The following PDE1C variants were observed in gnomAD, a reference collection of about 807,000 sequenced individuals.
PDE1C encodes dual specificity calcium/calmodulin-dependent 3',5'-cyclic nucleotide phosphodiesterase 1C.
Under a neutral mutation model 93.1 loss-of-function variants are expected in PDE1C, and 62 were observed. The ratio of observed to expected loss-of-function variants is 0.67; its 90% CI spans 0.54 to 0.82. The LOEUF (loss-of-function observed/expected upper bound fraction) is 0.82, where lower values mean the gene tolerates loss of function less well. Among genes scored for constraint, PDE1C ranks in the 40% least tolerant of loss-of-function variants. The pLI, the probability that PDE1C is intolerant of heterozygous loss-of-function variation, is 0.00. For missense variants in PDE1C, 742 were observed against 884.6 expected (o/e 0.84, Z 2.04); for synonymous variants, 325 against 310.1 (o/e 1.05, Z -0.50).
At chr7:32,395,662 A>C (rs1023738483) in intron 1 of PDE1C, among the ~76,000 whole-genome samples, 1 of 152,202 alleles carries the variant, frequency 6.6e-6, no homozygotes, top group African/African-American at 2.4e-5. Flanking sequence ...ACAGAGAAAA[A>C]ACTACTGGGT....
chr7:32,086,122 A>C (rs1448054161), intron 3 of PDE1C, among the ~76,000 whole-genome samples: 1 of 147,880 alleles, frequency 6.8e-6, no homozygotes, highest in African/African-American at 2.5e-5. Context: ...TTCAGCCCAA[A>C]ATCTCCTTAA....
the PDE1C span, among the ~76,000 whole-genome samples, chr7:31,664,697 C>G: frequency 4.6e-5 from 7 of 152,220 alleles, no homozygotes; most frequent in Admixed American, 4.6e-4. Context: ...GGAATAGCCT[C>G]TCAAAGCAAC....
intron 2 of PDE1C, among the ~76,000 whole-genome samples, chr7:31,939,790 G>C (rs1399003901): frequency 6.6e-6 from 1 of 152,146 alleles, no homozygotes; most frequent in Admixed American, 6.5e-5. Flanking sequence ...ACTCAAGAGA[G>C]CATGTAACAA....
intron 3 of PDE1C, among the ~76,000 whole-genome samples, chr7:32,111,069 AGAGT>A (rs1441842781): frequency 1.3e-5 from 2 of 152,170 alleles, no homozygotes; most frequent in African/African-American, 2.4e-5. Context: ...AGGGCTTCTG[AGAGT>A]GAGGAGCTAT....
chr7:32,065,071 C>T (rs1045018306), intron 1 of PDE1C, among the ~76,000 whole-genome samples: 3 of 16,698 alleles, frequency 1.8e-4, no homozygotes, highest in Non-Finnish European at 3.5e-4. Flanking sequence ...GGGGAGGAGC[C>T]GGGGGCCAGT....
At chr7:32,315,289 G>A (rs1783145285) in intron 1 of PDE1C, among the ~76,000 whole-genome samples, 1 of 151,854 alleles carries the variant, frequency 6.6e-6, no homozygotes. Flanking sequence ...CAGGGATGTG[G>A]CTTTTTGTTT....
chr7:32,235,074 C>T (rs763852041), intron 1 of PDE1C, among the ~76,000 whole-genome samples: 4 of 151,942 alleles, frequency 2.6e-5, no homozygotes, highest in Admixed American at 6.6e-5. Context: ...TGAAAACTTT[C>T]AGCAAACTAG....
chr7:31,942,388 A>T (rs1805975229), intron 2 of PDE1C, among the ~76,000 whole-genome samples: 1 of 152,124 alleles, frequency 6.6e-6, no homozygotes, highest in African/African-American at 2.4e-5. Flanking sequence ...GCCCTTAGTT[A>T]CCCCAAAGAA....
intron 3 of PDE1C, among the ~76,000 whole-genome samples, chr7:32,078,525 CT>C (rs1437369013): frequency 6.6e-6 from 1 of 152,096 alleles, no homozygotes; most frequent in African/African-American, 2.4e-5. Flanking sequence ...CCACAGCAGC[CT>C]AGATAATAAC....
At chr7:32,155,616 C>T (rs1801520173) in intron 3 of PDE1C, among the ~76,000 whole-genome samples, 1 of 152,216 alleles carries the variant, frequency 6.6e-6, no homozygotes, top group Admixed American at 6.5e-5. Flanking sequence ...ACCTTCCAAG[C>T]ATTGAGCAGG....
chr7:32,070,549 C>T, upstream of PDE1C: 1 of 1,455,228 alleles, frequency 6.9e-7, no homozygotes, highest in Non-Finnish European at 9.0e-7. Flanking sequence ...CAGACTCCGA[C>T]TTAGAGCGGA....
rs1381716799 is a variant in PDE1C at position 32,147,270 on chromosome 7, AAAAAAGAAAGAAAG to A, written c.308+22501_308+22514del. On this transcript the variant is annotated intron_variant, in intron 3 of 18. Coordinates refer to the PDE1C transcript ENST00000396193. ...AAGAAAGAAAAGAAAGAAAGAAAGA[AAAAAAGAAAGAAAG>A]AAAGAAAGAAAGAAAGAAAGAAAGA... Among the ~76,000 whole-genome samples, 453 of 57,888 alleles carry A rather than the reference AAAAAAGAAAGAAAG, an allele frequency of 7.8e-3. 12 individuals are homozygous for A. The highest frequency in any genetic ancestry group is 0.014 in the African/African-American group (210 of 14,844). The allele number at this position is 57,888 out of a possible 152,430, so 38.0% of individuals were successfully genotyped here.
intron 2 of PDE1C, among the ~76,000 whole-genome samples, chr7:31,892,634 C>A (rs1798788291): frequency 6.6e-6 from 1 of 152,126 alleles, no homozygotes; most frequent in Non-Finnish European, 1.5e-5. Flanking sequence ...CACACCCAAC[C>A]TCTAGTAACC....
the PDE1C span, among the ~76,000 whole-genome samples, chr7:31,666,755 CTT>C: frequency 6.6e-6 from 1 of 152,074 alleles, no homozygotes; most frequent in African/African-American, 2.4e-5. Flanking sequence ...CCTTATGCCC[CTT>C]TTTGTTGTCA....
At chr7:32,089,451 T>C (rs997365711) in intron 3 of PDE1C, among the ~76,000 whole-genome samples, 1 of 152,176 alleles carries the variant, frequency 6.6e-6, no homozygotes, top group African/African-American at 2.4e-5. Flanking sequence ...CCTCTGACAA[T>C]GGTACTATGA....
intron 2 of PDE1C, among the ~76,000 whole-genome samples, chr7:32,019,818 T>C (rs1302855792): frequency 6.6e-6 from 1 of 152,052 alleles, no homozygotes; most frequent in Non-Finnish European, 1.5e-5. Flanking sequence ...TTCACTGAAG[T>C]AGGGAACATA....
intron 1 of PDE1C, among the ~76,000 whole-genome samples, chr7:32,269,486 G>GT (rs1810825502): frequency 6.6e-6 from 1 of 151,562 alleles, no homozygotes; most frequent in African/African-American, 2.4e-5. Flanking sequence ...CGGTTTTTTG[G>GT]TTTTTTCTTT....
At chr7:32,369,784 C>T (rs932742145) in intron 1 of PDE1C, among the ~76,000 whole-genome samples, 20 of 152,080 alleles carry the variant, frequency 1.3e-4, no homozygotes, top group African/African-American at 3.9e-4. Flanking sequence ...CAATGAGATA[C>T]CATCTCACAC....
At chr7:32,220,797 G>A (rs1286430506) in intron 1 of PDE1C, among the ~76,000 whole-genome samples, 6 of 152,108 alleles carry the variant, frequency 3.9e-5, no homozygotes, top group Admixed American at 3.9e-4. Flanking sequence ...CAGCCTGGGC[G>A]ACAGAGCGAG....
Sources: gnomAD v4.1 joint callset for allele counts (sites outside exome capture counted in the v4.1 genomes callset) on GRCh38, gnomAD v4.1.1 for gene constraint, MANE v1.5 for transcripts, NCBI Gene and HGNC (gene_info 2026-07-23, HGNC 2026-07-21) for gene names.